USP54: variants seen among roughly 807,000 people sequenced by gnomAD.
USP54 encodes the protein ubiquitin specific peptidase 54.
In USP54, 87 loss-of-function variants were observed where a neutral mutation model predicts 170.5. The ratio of observed to expected loss-of-function variants is 0.51; its 90% confidence interval spans 0.43 to 0.61. The LOEUF is 0.61. Ranked by LOEUF, USP54 falls within the 20% of genes least tolerant of loss-of-function variation. The pLI is 0.00. For missense variants in USP54, 1,786 were observed against 2,047.8 expected (o/e 0.87, Z 2.47); for synonymous variants, 655 against 742.8 (o/e 0.88, Z 1.92).
chr10:73,516,889 G>A lies in USP54; in HGVS notation c.3537C>T (p.Gly1179=). ...ATTGTTGCTTTGCCCATGGCCAGTG[G>A]CCTTTCTCTTGACCCTGTGAGAAAG... ...KPPFSQGQEK[G]HWPWAKQQSS... The change falls in exon 20 of 24, where the codon GGC becomes GGT. Residue 1179 remains glycine, a synonymous_variant. Coordinates refer to ENST00000687698, the MANE Select transcript of USP54 (RefSeq NM_001391956.1). The A allele has an allele frequency of 6.2e-7, 1 of 1,614,236 alleles. No individual in the cohort carries two copies. Among genetic ancestry groups the A allele is most frequent in the South Asian group, 1.1e-5 (1 of 91,090 alleles).
At chr10:73,589,881 C>A (rs780612070) in intron 1 of USP54, among the ~76,000 whole-genome samples, 6 of 152,168 alleles carry the variant, frequency 3.9e-5, no homozygotes, top group Non-Finnish European at 8.8e-5. Context: ...GGAATGAAAT[C>A]TACTCTAACA....
chr10:73,609,628 G>T (rs2079966499), intron 1 of USP54, among the ~76,000 whole-genome samples: 2 of 152,154 alleles, frequency 1.3e-5, no homozygotes, highest in South Asian at 4.2e-4. Flanking sequence ...GGCGGCTCAT[G>T]AAGTCAGGAG....
intron 4 of USP54, among the ~76,000 whole-genome samples, chr10:73,562,220 A>C (rs566573988): frequency 6.6e-6 from 1 of 152,328 alleles, no homozygotes; most frequent in East Asian, 1.9e-4. Context: ...GTGCTTTTCT[A>C]TATTTTATAA....
chr10:73,569,998 A>C (rs2074798502), intron 4 of USP54, among the ~76,000 whole-genome samples: 1 of 150,786 alleles, frequency 6.6e-6, no homozygotes, highest in African/African-American at 2.4e-5. Flanking sequence ...GCAAATAACT[A>C]ATATAACTGG....
Position 73,584,578 on chromosome 10 carries a change from A to T in USP54, c.-582+6700T>A, listed in dbSNP as rs1460453107. Among the ~76,000 whole-genome samples, 3 of 152,206 alleles carry T rather than the reference A, an allele frequency of 2.0e-5. No homozygotes were observed. The East Asian group carries it at 5.8e-4, about 29-fold the overall frequency. On this transcript the variant is annotated intron_variant, in intron 1 of 23. Coordinates refer to ENST00000687698, the MANE Select transcript of USP54 (RefSeq NM_001391956.1). ...ACAGAGAAGTTTAAAACTCAGCAAC[A>T]TCGGGGTAAGTAAATGTAAAATGAT...
In USP54 at chr10:73,520,895, T is replaced by C; in HGVS notation, c.2482+13A>G. The C allele has an allele frequency of 2.5e-6, 4 of 1,614,092 alleles. No individual in the cohort carries two copies. The highest frequency in any genetic ancestry group is 2.5e-6 in the Non-Finnish European group (3 of 1,180,028). On this transcript the variant is annotated intron_variant, in intron 18 of 23. Coordinates refer to ENST00000687698, the MANE Select transcript of USP54 (RefSeq NM_001391956.1). Reference sequence around the variant, plus strand: ...TCAAAAGTGCCACAGCCATAGCAGTTAGAGTTACTTACAGATAGCTTCATT... The same window carrying C: ...TCAAAAGTGCCACAGCCATAGCAGTCAGAGTTACTTACAGATAGCTTCATT...
In USP54 at chr10:73,612,839, CAAAAAAAAAAAA is replaced by C. The variant is rs756355670; in HGVS notation, c.-18+12716_-18+12727del. 2.8e-3 allele frequency among the ~76,000 whole-genome samples: 119 copies of C among 42,126 alleles called. 1 individual carries two copies. The highest frequency in any genetic ancestry group is 0.01 in the African/African-American group (114 of 11,252). 27.6% of individuals were successfully genotyped at this position (42,126 alleles called of 152,430 possible). ...TGGGAGACAGAGTGAGACATTGTCT[CAAAAAAAAAAAA>C]AAAAAAAAAAAAGAATATATTTGGC... On this transcript the variant is annotated intron_variant, in intron 1 of 22. Coordinates refer to the USP54 transcript ENST00000339859.
intron 1 of USP54, among the ~76,000 whole-genome samples, chr10:73,601,309 G>A (rs1241702332): frequency 6.6e-6 from 1 of 152,066 alleles, no homozygotes; most frequent in African/African-American, 2.4e-5. Context: ...GACAGTGTAG[G>A]AAACAAAATT....
At chr10:73,505,199 C>A in intron 21 of USP54, 109 bp downstream of exon 21, 1 of 1,254,054 alleles carries the variant, frequency 8.0e-7, no homozygotes, top group South Asian at 1.4e-5. Flanking sequence ...CTTCTGATAG[C>A]CCCATATCAC....
chr10:73,530,128 T>G lies in USP54; in HGVS notation c.1828+15A>C. ...TTTATTCAAAAGCCCAATTCTTCCC[T>G]AATTATCTCCTCACCTGAATCCTCA... On this transcript the variant is annotated intron_variant, in intron 14 of 23. Transcript: ENST00000687698. 1.3e-6 allele frequency: 2 copies of G among 1,581,654 alleles called. No individual in the cohort carries two copies. Among genetic ancestry groups the G allele is most frequent in the Non-Finnish European group, 1.7e-6 (2 of 1,167,072 alleles).
At chr10:73,511,280 T>G (rs2060163218) in intron 20 of USP54, among the ~76,000 whole-genome samples, 2 of 152,108 alleles carry the variant, frequency 1.3e-5, no homozygotes, top group African/African-American at 2.4e-5. Context: ...TAAAACCCAT[T>G]GTATTGTACA....
At chr10:73,578,406 G>C (rs2076401559) in intron 1 of USP54, among the ~76,000 whole-genome samples, 1 of 151,666 alleles carries the variant, frequency 6.6e-6, no homozygotes, top group South Asian at 2.1e-4. Flanking sequence ...TTTGGGTTTT[G>C]TTTTGTTTTG....
chr10:73,531,875 G>A (rs1206176584), intron 12 of USP54, among the ~76,000 whole-genome samples: 1 of 152,046 alleles, frequency 6.6e-6, no homozygotes, highest in Non-Finnish European at 1.5e-5. Flanking sequence ...AGATTCTAAA[G>A]GATATAAGCA....
At chr10:73,554,226 A>C (rs576927231) in intron 4 of USP54, among the ~76,000 whole-genome samples, 1 of 152,322 alleles carries the variant, frequency 6.6e-6, no homozygotes, top group South Asian at 2.1e-4. Flanking sequence ...GTCTTTGGAA[A>C]GTGCTCCAGT....
At position 73,530,899 on chromosome 10, in the gene USP54, C is replaced by G. The variant is rs193085030; in HGVS notation, c.1316-64G>C. On this transcript the variant is annotated intron_variant, in intron 12 of 23. Coordinates refer to ENST00000687698, the MANE Select transcript of USP54 (RefSeq NM_001391956.1). Reference sequence around the variant, plus strand: ...GACTAACCTCCACCCTCCTGAGAACCTACCTAATCTCCCTTTGGGAGTGCC... The same window carrying G: ...GACTAACCTCCACCCTCCTGAGAACGTACCTAATCTCCCTTTGGGAGTGCC... The G allele has an allele frequency of 6.6e-5, 106 of 1,601,912 alleles. 1 individual carries two copies. In the East Asian group the frequency reaches 2.3e-3, roughly 34 times the overall value.
Position 73,498,852 on chromosome 10 carries a change from T to G in USP54, c.4832A>C (p.His1611Pro), listed in dbSNP as rs997964605. 6.2e-7 allele frequency: 1 copy of G among 1,610,368 alleles called. No homozygotes were observed. Among genetic ancestry groups the G allele is most frequent in the Non-Finnish European group, 8.5e-7 (1 of 1,179,082 alleles). ...HPVYPPSSSL[H>P]VPLRSAWNSD... ...ATTCCAAGCTGACCTCAGGGGTACA[T>G]GAAGACTGCTAGATGGTGGGTACAC... Residue 1611 changes from histidine (H) to proline (P), a missense_variant, in exon 24 of 24, where the codon CAT becomes CCT. This residue lies in a region of USP54 where 1,418 missense variants were observed against 1,569.0 expected (regional missense o/e 0.90). Transcript: ENST00000687698.
chr10:73,552,486 C>CAT (rs939068797), intron 4 of USP54, among the ~76,000 whole-genome samples: 93 of 151,168 alleles, frequency 6.2e-4, no homozygotes, highest in South Asian at 5.2e-3. Flanking sequence ...CACACACACA[C>CAT]ATATATATAT....
rs542187379 is a variant in USP54 at position 73,620,659 on chromosome 10, C to T, written c.-18+4908G>A. On this transcript the variant is annotated intron_variant, in intron 1 of 22. Transcript: ENST00000339859. Reference sequence around the variant, plus strand: ...TTACAAAGATATAAAATTTGGGGGCCGGGAGTGGTGGCTCACGCCTGTAAT... The same window carrying T: ...TTACAAAGATATAAAATTTGGGGGCTGGGAGTGGTGGCTCACGCCTGTAAT... Among the ~76,000 whole-genome samples, 4 of 149,304 alleles carry T rather than the reference C, an allele frequency of 2.7e-5. No homozygotes were observed. In the South Asian group the frequency reaches 6.5e-4, roughly 24 times the overall value.
intron 3 of USP54, among the ~76,000 whole-genome samples, chr10:73,574,531 C>T (rs964604016): frequency 1.3e-5 from 2 of 152,136 alleles, no homozygotes; most frequent in African/African-American, 4.8e-5. Context: ...AATCCCAGCA[C>T]CTTGGGAGGC....
Sources: allele counts gnomAD v4.1 joint callset (sites outside exome capture counted in the v4.1 genomes callset), GRCh38; gene constraint gnomAD v4.1.1; regional missense constraint gnomAD v4.1.1; transcripts MANE v1.5; gene names NCBI Gene and HGNC (gene_info 2026-07-23, HGNC 2026-07-21).